MACF1: variants seen among roughly 807,000 people sequenced by gnomAD.
MACF1 encodes microtubule-actin cross-linking factor 1.
A neutral mutation model predicts 854.8 loss-of-function variants in MACF1; 193 were observed. That is an observed-to-expected ratio of 0.23 (90% CI 0.20 to 0.25). The LOEUF is 0.25. MACF1 is among the 10% of genes least tolerant of loss of function. MACF1 has a pLI of 1.00. For missense variants in MACF1, 7,722 were observed against 8,929.1 expected (o/e 0.86, Z 5.45); for synonymous variants, 3,185 against 3,226.7 (o/e 0.99, Z 0.44).
chr1:39,270,419 A>C (rs1041598413), intron 6 of MACF1, among the ~76,000 whole-genome samples: 4 of 152,176 alleles, frequency 2.6e-5, no homozygotes, highest in Non-Finnish European at 5.9e-5. Context: ...TAGGGCTTTA[A>C]CATGATTTTG....
intron 97 of MACF1, among the ~76,000 whole-genome samples, chr1:39,477,779 T>TTCTCTG (rs1189886563): frequency 6.6e-6 from 1 of 152,080 alleles, no homozygotes; most frequent in African/African-American, 2.4e-5. Flanking sequence ...CTGTGAGTAC[T>TTCTCTG]TAAGTGTCTC....
At chr1:39,189,080 C>T (rs1490126863) in intron 2 of MACF1, among the ~76,000 whole-genome samples, 3 of 152,216 alleles carry the variant, frequency 2.0e-5, no homozygotes, top group Non-Finnish European at 4.4e-5. Flanking sequence ...CACTGAGACA[C>T]CTGGCTCCTG....
intron 51 of MACF1, among the ~76,000 whole-genome samples, chr1:39,372,019 A>G (rs766859610): frequency 1.3e-4 from 19 of 151,668 alleles, no homozygotes; most frequent in East Asian, 3.9e-4. Context: ...GGGTTTCACC[A>G]TGTCGGCCAG....
chr1:39,313,442 C>A (rs1646342626), intron 26 of MACF1, among the ~76,000 whole-genome samples: 1 of 152,140 alleles, frequency 6.6e-6, no homozygotes, highest in Non-Finnish European at 1.5e-5. Context: ...CCAAAAGCTG[C>A]TTTTCTAATT....
chr1:39,271,031 A>T (rs1365555246), intron 6 of MACF1, among the ~76,000 whole-genome samples: 1 of 152,212 alleles, frequency 6.6e-6, no homozygotes, highest in African/African-American at 2.4e-5. Flanking sequence ...GGCCTCATAT[A>T]AACATGGATA....
At chr1:39,435,908 C>G (rs1643963380) in intron 70 of MACF1, 147 bp downstream of exon 70, 1 of 669,966 alleles carries the variant, frequency 1.5e-6, no homozygotes, top group Non-Finnish European at 2.5e-6. Flanking sequence ...CTTAGCCTAT[C>G]TTCATTTTTA....
At chr1:39,359,693 G>A (rs923726743) in intron 47 of MACF1, among the ~76,000 whole-genome samples, 13 of 151,816 alleles carry the variant, frequency 8.6e-5, no homozygotes, top group African/African-American at 3.1e-4. Flanking sequence ...TATACAGGCC[G>A]GGCGTGGTGG....
rs1405814666 is a variant in MACF1 at position 39,439,347 on chromosome 1, C to G, written c.18294C>G (p.Ile6098Met). Residue 6098 changes from isoleucine to methionine, a missense_variant, in exon 72 of 101, where the codon ATC becomes ATG. Physicochemically the swap from Ile to Met is conservative, Grantham distance 10. Transcript: ENST00000564288. ...DIKARAEERE[I>M]KFLDVLELAE... ...AAGCTCGGGCTGAAGAACGAGAAAT[C>G]AAATTTCTTGATGTCCTTGAATTAG... 1.7e-5 allele frequency: 28 copies of G among 1,613,854 alleles called. No homozygotes were observed. The highest frequency in any genetic ancestry group is 2.3e-5 in the Non-Finnish European group (27 of 1,179,958).
At chr1:39,475,319 A>G (rs766237982) in intron 97 of MACF1, among the ~76,000 whole-genome samples, 8 of 152,128 alleles carry the variant, frequency 5.3e-5, no homozygotes, top group Non-Finnish European at 1.0e-4. Context: ...AAATACAAAA[A>G]TTAGCCAGGC....
intron 2 of MACF1, among the ~76,000 whole-genome samples, chr1:39,120,330 A>G (rs1487464225): frequency 6.6e-6 from 1 of 152,090 alleles, no homozygotes; most frequent in Non-Finnish European, 1.5e-5. Flanking sequence ...CCCTGTTATC[A>G]TGTAACATAT....
intron 38 of MACF1, among the ~76,000 whole-genome samples, chr1:39,337,706 A>G (rs1056393361): frequency 4.6e-5 from 7 of 151,062 alleles, no homozygotes; most frequent in East Asian, 1.9e-4. Flanking sequence ...AGCTGCGACT[A>G]TAGGCACCTG....
chr1:39,169,773 C>CTTTCT (rs1643921796), intron 2 of MACF1, among the ~76,000 whole-genome samples: 2 of 97,498 alleles, frequency 2.1e-5, no homozygotes, highest in South Asian at 3.8e-4. Context: ...TTCTTTCTTT[C>CTTTCT]TTTTTTTTTT....
chr1:39,352,876 G>T, intron 43 of MACF1, 131 bp from the exon 44 acceptor site: 1 of 551,728 alleles, frequency 1.8e-6, no homozygotes. Flanking sequence ...TTTTGTATGT[G>T]CAAAGACTGT....
At chr1:39,121,598 C>T (rs1029629764) in intron 2 of MACF1, among the ~76,000 whole-genome samples, 1 of 152,104 alleles carries the variant, frequency 6.6e-6, no homozygotes, top group African/African-American at 2.4e-5. Context: ...AGGCGCGTGC[C>T]ACCACTCCGG....
At position 39,179,617 on chromosome 1, in the gene MACF1, ATG is replaced by A. The variant is rs200701621; in HGVS notation, c.221-51560_221-51559del. Among the ~76,000 whole-genome samples, 1,298 of 152,326 alleles carry A rather than the reference ATG, an allele frequency of 8.5e-3. 16 individuals carry two copies. Among genetic ancestry groups the A allele is most frequent in the African/African-American group, 0.03 (1,228 of 41,560 alleles). On this transcript the variant is annotated intron_variant, in intron 2 of 93. Transcript: ENST00000361689. ...ACACACACACAGTAGGCATTCAATTATGTGTGATCAAAGAGGTCAGAGTTGAT... is the reference window on the plus strand; with the variant it reads ...ACACACACACAGTAGGCATTCAATTATGTGATCAAAGAGGTCAGAGTTGAT...
intron 18 of MACF1, 38 bp downstream of exon 18, chr1:39,293,657 T>C (rs1295702918): frequency 1.3e-6 from 2 of 1,582,844 alleles, no homozygotes; most frequent in East Asian, 2.3e-5. Context: ...CATACTTATT[T>C]AACAGCAGCA....
Position 39,300,312 on chromosome 1 carries a change from T to G in MACF1, c.2584T>G (p.Leu862Val). 6.2e-7 allele frequency: 1 copy of G among 1,614,028 alleles called. No individual in the cohort carries two copies. The highest frequency in any genetic ancestry group is 8.5e-7 in the Non-Finnish European group (1 of 1,179,994). Reference sequence around the variant, plus strand: ...AAAACCACGCAGTCCAGACCATGTGTTAAAGAACACCATTTCTGTCAAGGC... The same window carrying G: ...AAAACCACGCAGTCCAGACCATGTGGTAAAGAACACCATTTCTGTCAAGGC... ...QLKPRSPDHV[L>V]KNTISVKAVC... Residue 862 changes from leucine (L) to valine (V), a missense_variant, in exon 22 of 101, where the codon TTA becomes GTA. Transcript: ENST00000564288.
chr1:39,374,133 T>C, intron 52 of MACF1, among the ~76,000 whole-genome samples: 1 of 151,596 alleles, frequency 6.6e-6, no homozygotes, highest in Admixed American at 6.6e-5. Flanking sequence ...TCCTAGCTAC[T>C]CAGGAGGCTG....
intron 2 of MACF1, among the ~76,000 whole-genome samples, chr1:39,143,333 G>T (rs1643388493): frequency 6.6e-6 from 1 of 152,166 alleles, no homozygotes; most frequent in Non-Finnish European, 1.5e-5. Flanking sequence ...GTGTATCAAA[G>T]ATACACTTTC....
Sources: gnomAD v4.1 joint callset for allele counts (sites outside exome capture counted in the v4.1 genomes callset) on GRCh38, gnomAD v4.1.1 for gene constraint, MANE v1.5 for transcripts, NCBI Gene and HGNC (gene_info 2026-07-23, HGNC 2026-07-21) for gene names.